The following PDPK1 variants were observed in gnomAD, a reference collection of about 807,000 sequenced individuals.
PDPK1 encodes 3-phosphoinositide dependent protein kinase 1, also known as 3-phosphoinositide-dependent protein kinase 1.
In PDPK1, 7 loss-of-function variants were observed where a neutral mutation model predicts 39.8. The observed-to-expected ratio is 0.18, with a 90% confidence interval of 0.10 to 0.33. PDPK1 has a LOEUF of 0.33. Among genes scored for constraint, PDPK1 ranks in the 10% least tolerant of loss-of-function variants. PDPK1 has a pLI of 1.00. For synonymous variants in PDPK1, 118 were observed against 159.1 expected (o/e 0.74, Z 1.95); for missense variants, 182 against 384.7 (o/e 0.47, Z 4.41).
chr16:2,538,678 G>C (rs1597009737), intron 1 of PDPK1: 1 of 1,288,670 alleles, frequency 7.8e-7, no homozygotes, highest in South Asian at 1.2e-5. Context: ...GGGGCATTTG[G>C]GTGCTTTTGC....
intron 11 of PDPK1, among the ~76,000 whole-genome samples, chr16:2,594,973 A>T (rs552963596): frequency 2.0e-5 from 3 of 152,308 alleles, no homozygotes; most frequent in Admixed American, 6.5e-5. Context: ...TACAAAAAAA[A>T]TTAGCTGGGC....
rs1263980569 is a variant in PDPK1, at chr16:2,586,968, C to G, written c.1343+75C>G. 5 of 1,302,646 alleles carry G rather than the reference C, an allele frequency of 3.8e-6. No individual in the cohort carries two copies. In the East Asian group the frequency reaches 9.2e-5, roughly 24 times the overall value. 80.7% of individuals were successfully genotyped at this position (1,302,646 alleles called of 1,614,324 possible). A position where few individuals can be genotyped will look rare whatever the true frequency, so the allele number is the denominator to read the frequency against. On this transcript the variant is annotated intron_variant, in intron 11 of 13. Coordinates refer to ENST00000342085, the MANE Select transcript of PDPK1 (RefSeq NM_002613.5). ...ACACGTGGGGGCTTATGGTGGGTGCCTTTGCCTTGTCACTGCCTCCCTCAG... is the reference window on the plus strand; with the variant it reads ...ACACGTGGGGGCTTATGGTGGGTGCGTTTGCCTTGTCACTGCCTCCCTCAG...
chr16:2,550,134 C>A (rs2066387569), intron 1 of PDPK1, among the ~76,000 whole-genome samples: 1 of 148,198 alleles, frequency 6.7e-6, no homozygotes, highest in African/African-American at 2.5e-5. Context: ...TGGTACCCAC[C>A]CCCAGAGTTG....
At position 2,538,237 on chromosome 16, in the gene PDPK1, C is replaced by T. The variant is rs936860134; in HGVS notation, c.24+101C>T. 2.5e-3 allele frequency: 1,325 copies of T among 524,788 alleles called. 2 individuals carry two copies. Among genetic ancestry groups the T allele is most frequent in the Admixed American group, 3.1e-3 (52 of 16,546 alleles). The allele number at this position is 524,788 out of a possible 1,614,324, so 32.5% of individuals were successfully genotyped here. A position where few individuals can be genotyped will look rare whatever the true frequency, so the allele number is the denominator to read the frequency against. ...GCGGGGCGGCCCGGGGTCCCGAGGG[C>T]CGGGTGCCTCCTTACCTGCAGCCGG... On this transcript the variant is annotated intron_variant, in intron 1 of 13. Coordinates refer to ENST00000342085, the MANE Select transcript of PDPK1 (RefSeq NM_002613.5).
chr16:2,589,281 T>G (rs1597066461), intron 11 of PDPK1, among the ~76,000 whole-genome samples: 2 of 152,156 alleles, frequency 1.3e-5, no homozygotes, highest in East Asian at 3.8e-4. Flanking sequence ...GAGATTAATA[T>G]TCAATATTTC....
In PDPK1 at chr16:2,544,614, C is replaced by G. The variant is rs537355320; in HGVS notation, c.24+6478C>G. The stretch of plus-strand genomic sequence containing the variant: ...AATTTTTTTTTTTGAGACGGAGTCT[C>G]GCTCTGTCGCCCAAGTTGGAGTGCA... On this transcript the variant is annotated intron_variant, in intron 1 of 13. Transcript: ENST00000342085. 3.3e-5 allele frequency among the ~76,000 whole-genome samples: 5 copies of G among 152,014 alleles called. No individual in the cohort carries two copies. In the South Asian group the frequency reaches 1.0e-3, roughly 32 times the overall value.
intron 6 of PDPK1, chr16:2,576,864 T>A (rs2066720123): frequency 5.2e-6 from 1 of 192,188 alleles, no homozygotes; most frequent in Non-Finnish European, 1.1e-5. Flanking sequence ...GGAGGGCAGG[T>A]GGAAGGGACC....
Position 2,538,059 on chromosome 16 carries a change from A to C in PDPK1, c.-54A>C. The C allele has an allele frequency of 2.3e-6, 2 of 856,500 alleles. No homozygotes were observed. Among genetic ancestry groups the C allele is most frequent in the Non-Finnish European group, 2.8e-6 (2 of 705,836 alleles). 53.1% of individuals were successfully genotyped at this position (856,500 alleles called of 1,614,324 possible). A position where few individuals can be genotyped will look rare whatever the true frequency, so the allele number is the denominator to read the frequency against. ...CGCTTCGGGGAGGAGGACGCTGAGG[A>C]GGCGCCGAGCCGCGCAGCGCTGCGG... On this transcript the variant is annotated 5_prime_UTR_variant, in exon 1 of 14. Transcript: ENST00000342085.
intron 1 of PDPK1, among the ~76,000 whole-genome samples, chr16:2,544,362 T>C (rs988500812): frequency 2.6e-5 from 4 of 152,178 alleles, no homozygotes; most frequent in African/African-American, 9.7e-5. Flanking sequence ...CACATTGAGC[T>C]AGCAGTGGAG....
chr16:2,553,319 C>T (rs975974753), intron 1 of PDPK1, among the ~76,000 whole-genome samples: 10 of 137,844 alleles, frequency 7.3e-5, no homozygotes, highest in Admixed American at 2.8e-4. Context: ...CAGGTGCACA[C>T]CACCGTGCCT....
chr16:2,592,285 AGAGGTGTC>A (rs1002127757), intron 11 of PDPK1, among the ~76,000 whole-genome samples: 31 of 151,998 alleles, frequency 2.0e-4, no homozygotes, highest in Non-Finnish European at 4.0e-4. Flanking sequence ...AGAGGTGGGG[AGAGGTGTC>A]GCCTGTTTTG....
intron 1 of PDPK1, among the ~76,000 whole-genome samples, chr16:2,546,732 T>C (rs556772877): frequency 3.3e-5 from 5 of 152,314 alleles, no homozygotes; most frequent in Middle Eastern, 3.4e-3. Context: ...ATGAGGCTTT[T>C]CCTAGGCCTT....
intron 1 of PDPK1, among the ~76,000 whole-genome samples, chr16:2,552,080 T>C (rs1212207652): frequency 1.3e-5 from 2 of 151,502 alleles, no homozygotes; most frequent in African/African-American, 2.4e-5. Flanking sequence ...GTGATTCTCC[T>C]GCCTCAGCCT....
At position 2,597,904 on chromosome 16, in the gene PDPK1, A is replaced by G. The variant is rs2067136354; in HGVS notation, c.*137A>G. 1 of 593,522 alleles carries G rather than the reference A, an allele frequency of 1.7e-6. No individual in the cohort carries two copies. The highest frequency in any genetic ancestry group is 3.0e-6 in the Non-Finnish European group (1 of 334,068). The allele number at this position is 593,522 out of a possible 1,614,324, so 36.8% of individuals were successfully genotyped here. ...GAGGCGGAAACCTTGCAGCATTTTTATTTAAAAGAAAAGAAGAAAAAAAAC... is the reference window on the plus strand; with the variant it reads ...GAGGCGGAAACCTTGCAGCATTTTTGTTTAAAAGAAAAGAAGAAAAAAAAC... On this transcript the variant is annotated 3_prime_UTR_variant, in exon 14 of 14. Coordinates refer to ENST00000342085, the MANE Select transcript of PDPK1 (RefSeq NM_002613.5). This position sits in a 1 kb window ranked among gnomAD's most constrained non-coding sequence, Gnocchi z 6.3.
At chr16:2,538,690 G>T (rs2066184518) in intron 1 of PDPK1, 1 of 1,287,258 alleles carries the variant, frequency 7.8e-7, no homozygotes, top group Admixed American at 2.3e-5. Context: ...TGCTTTTGCT[G>T]CCCGTGGCTG....
At chr16:2,538,166 C>A in intron 1 of PDPK1, 30 bp downstream of exon 1, 2 of 1,045,146 alleles carry the variant, frequency 1.9e-6, no homozygotes, top group Non-Finnish European at 2.3e-6. Flanking sequence ...CTGGACGCGC[C>A]GGTTTGTTAC....
chr16:2,597,844 C>A lies in PDPK1; in HGVS notation c.*77C>A. 2.3e-6 allele frequency: 2 copies of A among 877,442 alleles called. No homozygotes were observed. Among genetic ancestry groups the A allele is most frequent in the Non-Finnish European group, 3.7e-6 (2 of 535,556 alleles). 54.4% of individuals were successfully genotyped at this position (877,442 alleles called of 1,614,324 possible). ...GGCTTGGCCGCCATCCGGGACGCTT[C>A]CAGACCACCTGCCAGCCATCACAAG... is the stretch of plus-strand genomic sequence containing the variant. On this transcript the variant is annotated 3_prime_UTR_variant, in exon 14 of 14. Transcript: ENST00000342085. This position sits in a 1 kb window ranked among gnomAD's most constrained non-coding sequence, Gnocchi z 6.3.
chr16:2,541,501 G>A (rs192284221), intron 1 of PDPK1, among the ~76,000 whole-genome samples: 1 of 152,320 alleles, frequency 6.6e-6, no homozygotes, highest in Non-Finnish European at 1.5e-5. Flanking sequence ...TGGACAGGAT[G>A]CCACGTGGTG....
chr16:2,588,117 C>G (rs2066914726), intron 11 of PDPK1, among the ~76,000 whole-genome samples: 1 of 152,170 alleles, frequency 6.6e-6, no homozygotes, highest in Non-Finnish European at 1.5e-5. Flanking sequence ...GAGCTGAGCT[C>G]TGGGCCGCCC....
Sources: gnomAD v4.1 joint callset for allele counts (sites outside exome capture counted in the v4.1 genomes callset) on GRCh38, gnomAD v4.1.1 for gene constraint, Gnocchi (gnomAD v3.1) non-coding constraint, MANE v1.5 for transcripts, NCBI Gene and HGNC (gene_info 2026-07-23, HGNC 2026-07-21) for gene names.